Variants in NUP54 observed in about 807,000 individuals in gnomAD.
The protein encoded by NUP54 is nucleoporin p54.
A neutral mutation model predicts 66.4 loss-of-function variants in NUP54; 27 were observed. The observed-to-expected ratio is 0.41, with a 90% confidence interval of 0.30 to 0.56. The LOEUF is 0.56. NUP54 is among the 20% of genes least tolerant of loss of function. The pLI is 0.34. For missense variants in NUP54, 486 were observed against 596.3 expected (o/e 0.82, Z 1.93); for synonymous variants, 206 against 210.7 (o/e 0.98, Z 0.19).
At chr4:76,139,866 T>C (rs1253572956) in intron 3 of NUP54, among the ~76,000 whole-genome samples, 1 of 152,220 alleles carries the variant, frequency 6.6e-6, no homozygotes, top group African/African-American at 2.4e-5. Context: ...CACTTCTTTT[T>C]TTCTTTGTTA....
At position 76,115,454 on chromosome 4, in the gene NUP54, C is replaced by T. The variant is rs1374217914; in HGVS notation, c.1436G>A (p.Ser479Asn). 11 of 1,610,676 alleles carry T rather than the reference C, an allele frequency of 6.8e-6. No homozygotes were observed. The highest frequency in any genetic ancestry group is 9.3e-6 in the Non-Finnish European group (11 of 1,178,586). The change falls in exon 12 of 12, where the codon AGC becomes AAC. Residue 479 changes from serine (S) to asparagine (N), a missense_variant. By Grantham distance (46) the Ser-to-Asn change is conservative. Transcript: ENST00000264883. The part of the protein sequence containing the change: ...QQQEGLSHLI[S>N]IIKDDLEDIK... ...ATCTTCTAGATCGTCTTTAATGATG[C>T]TAATCAAATGGCTAAGGCCTTCCTG... is the stretch of plus-strand genomic sequence containing the variant.
At chr4:76,129,086 T>C (rs944933228) in intron 8 of NUP54, among the ~76,000 whole-genome samples, 18 of 152,206 alleles carry the variant, frequency 1.2e-4, no homozygotes, top group African/African-American at 4.3e-4. Flanking sequence ...GAATTTCCCA[T>C]GATACCAACA....
In NUP54 at chr4:76,132,625, T is replaced by A; in HGVS notation, c.805A>T (p.Asn269Tyr). The change falls in exon 6 of 12, where the codon AAT (asparagine) becomes TAT (tyrosine). Residue 269 changes from asparagine (N) to tyrosine (Y), a missense_variant. By Grantham distance (143) the Asn-to-Tyr change is moderately radical. Coordinates refer to ENST00000264883, the MANE Select transcript of NUP54 (RefSeq NM_017426.4). ...TTLYAHFEQANIKTQLQQLGV... is the reference protein window; with the variant it reads ...TTLYAHFEQAYIKTQLQQLGV... ...AGTTGCTGCAATTGTGTTTTTATAT[T>A]GGCTTGTTCAAAATGGGCATATAGC... The A allele has an allele frequency of 6.2e-7, 1 of 1,614,106 alleles. No homozygotes were observed. Among genetic ancestry groups the A allele is most frequent in the South Asian group, 1.1e-5 (1 of 91,066 alleles).
Position 76,136,406 on chromosome 4 carries a change from C to T in NUP54, c.302G>A (p.Gly101Asp), listed in dbSNP as rs1731042169. ...TTGTGTAGGCTGACTGAAGAGACCA[C>T]CTAATGCTAAAAATGTACCCAAAAT... ...NTQQQQQTTL[G>D]GLFSQPTQAP... Residue 101 changes from glycine to aspartate, a missense_variant, in exon 4 of 12, where the codon GGT becomes GAT. By Grantham distance (94) the Gly-to-Asp change is moderately conservative. Coordinates refer to ENST00000264883, the MANE Select transcript of NUP54 (RefSeq NM_017426.4). 7 of 1,608,634 alleles carry T rather than the reference C, an allele frequency of 4.4e-6. No individual in the cohort carries two copies. Among genetic ancestry groups the T allele is most frequent in the African/African-American group, 1.3e-5 (1 of 74,678 alleles).
rs1560687280 is a variant in NUP54 at position 76,135,220 on chromosome 4, G to T, written c.523-858C>A. Among the ~76,000 whole-genome samples the T allele has an allele frequency of 9.2e-5, 14 of 152,066 alleles. No homozygotes were observed. In the South Asian group the frequency reaches 2.1e-3, roughly 23 times the overall value. On this transcript the variant is annotated intron_variant, in intron 4 of 11. Coordinates refer to ENST00000264883, the MANE Select transcript of NUP54 (RefSeq NM_017426.4). ...CAAAACTTTATGAAACAGGGTTGTT[G>T]TTTTTTTACATATTAATATGACCAA...
At chr4:76,130,331 C>T (rs1176832218) in intron 8 of NUP54, among the ~76,000 whole-genome samples, 6 of 152,012 alleles carry the variant, frequency 3.9e-5, no homozygotes, top group Non-Finnish European at 8.8e-5. Flanking sequence ...AATTATATGT[C>T]AACATAAAAT....
At chr4:76,134,408 TAAATC>T in intron 4 of NUP54, 46 bp from the exon 5 acceptor site, 1 of 1,461,260 alleles carries the variant, frequency 6.8e-7, no homozygotes, top group Non-Finnish European at 9.4e-7. Context: ...GTACAGATCT[TAAATC>T]AGGTGTTTAA....
chr4:76,137,732 T>C (rs1215561230), intron 3 of NUP54, among the ~76,000 whole-genome samples: 1 of 152,178 alleles, frequency 6.6e-6, no homozygotes, highest in African/African-American at 2.4e-5. Flanking sequence ...GATAAGTATG[T>C]CATCTTTCAA....
chr4:76,136,330 A>C lies in NUP54; in HGVS notation c.378T>G (p.Ala126=), dbSNP rs756204518. 14 of 1,614,104 alleles carry C rather than the reference A, an allele frequency of 8.7e-6. No homozygotes were observed. Among genetic ancestry groups the C allele is most frequent in the Non-Finnish European group, 1.1e-5 (13 of 1,180,002 alleles). The stretch of plus-strand genomic sequence containing the variant: ...CTCTCTCATCTCCCAACAGCGTTGG[A>C]GCAGAAAGAGCACTCGCAGTATTTA... ...QLINTASALS[A]PTLLGDERDA... Residue 126 remains alanine (A), a synonymous_variant, in exon 4 of 12, where the codon GCT becomes GCG. Coordinates refer to ENST00000264883, the MANE Select transcript of NUP54 (RefSeq NM_017426.4).
chr4:76,121,495 A>C (rs1386447090), intron 9 of NUP54, among the ~76,000 whole-genome samples: 1 of 152,214 alleles, frequency 6.6e-6, no homozygotes, highest in Non-Finnish European at 1.5e-5. Flanking sequence ...TATGTTGCCC[A>C]GGCAACAGAG....
At chr4:76,131,970 C>A (rs1730822018) in intron 6 of NUP54, among the ~76,000 whole-genome samples, 1 of 151,970 alleles carries the variant, frequency 6.6e-6, no homozygotes, top group Non-Finnish European at 1.5e-5. Context: ...ATGAAAAGTG[C>A]TAAGGAATAC....
chr4:76,117,849 T>G, intron 10 of NUP54, 75 bp from the exon 11 acceptor site: 2 of 1,296,272 alleles, frequency 1.5e-6, no homozygotes, highest in Non-Finnish European at 2.2e-6. Flanking sequence ...TCTGAAAGGA[T>G]GGTTTCAAAA....
rs1211557053 is a variant in NUP54, at chr4:76,136,379, G to A, written c.329C>T (p.Ala110Val). Residue 110 changes from alanine to valine, a missense_variant, in exon 4 of 12, where the codon GCT becomes GTT. This residue lies in a region of NUP54 where 145 missense variants were observed against 137.1 expected (regional missense o/e 1.06). Transcript: ENST00000264883. The part of the protein sequence containing the change: ...LGGLFSQPTQ[A>V]PTQSNQLINT... ...TATCAGCTGGTTGGACTGGGTAGGA[G>A]CTTGTGTAGGCTGACTGAAGAGACC... 1.7e-5 allele frequency: 27 copies of A among 1,613,916 alleles called. No individual in the cohort carries two copies. The highest frequency in any genetic ancestry group is 2.3e-5 in the Non-Finnish European group (27 of 1,179,950).
At position 76,118,993 on chromosome 4, in the gene NUP54, G is replaced by A. The variant is rs1311127376; in HGVS notation, c.1165-799C>T. ...TGCACTCCAGCCTGGGCAACAGAGC[G>A]AGACTCTGTCTCAAAAAACAGACAA... On this transcript the variant is annotated intron_variant, in intron 9 of 11. Coordinates refer to ENST00000264883, the MANE Select transcript of NUP54 (RefSeq NM_017426.4). Among the ~76,000 whole-genome samples, 6 of 151,736 alleles carry A rather than the reference G, an allele frequency of 4.0e-5. No homozygotes were observed. The East Asian group carries it at 5.9e-4, about 15-fold the overall frequency.
At chr4:76,147,115 A>C (rs1043333179) in intron 1 of NUP54, among the ~76,000 whole-genome samples, 28 of 152,262 alleles carry the variant, frequency 1.8e-4, no homozygotes, top group African/African-American at 6.3e-4. Context: ...TGAAAGATGC[A>C]GAAAAAATGA....
chr4:76,115,633 A>T (rs1729920488), intron 11 of NUP54, 139 bp from the exon 12 acceptor site: 3 of 495,198 alleles, frequency 6.1e-6, no homozygotes. Context: ...GAGGGCATGC[A>T]TATTTAAACA....
intron 2 of NUP54, 25 bp downstream of exon 2, chr4:76,144,365 T>C (rs11946345): frequency 0.43 from 679,175 of 1,596,920 alleles, 153,161 homozygotes; most frequent in East Asian, 0.91. Flanking sequence ...TTTACTTCTA[T>C]GAATGACTTA....
At chr4:76,137,178 G>T in intron 3 of NUP54, among the ~76,000 whole-genome samples, 1 of 151,910 alleles carries the variant, frequency 6.6e-6, no homozygotes, top group Non-Finnish European at 1.5e-5. Flanking sequence ...ATTATTTTTT[G>T]TAGAGACAGG....
At chr4:76,128,423 C>G (rs1166993411) in intron 8 of NUP54, among the ~76,000 whole-genome samples, 1 of 143,688 alleles carries the variant, frequency 7.0e-6, no homozygotes, top group Non-Finnish European at 1.5e-5. Flanking sequence ...CCAAATAACT[C>G]AAAAGAAAGC....
Sources: gnomAD v4.1 joint callset for allele counts (sites outside exome capture counted in the v4.1 genomes callset) on GRCh38, gnomAD v4.1.1 for gene constraint, gnomAD v4.1.1 regional missense constraint, MANE v1.5 for transcripts, NCBI Gene and HGNC (gene_info 2026-07-23, HGNC 2026-07-21) for gene names.